Variants in LRRC4C observed in about 807,000 individuals in gnomAD.
LRRC4C encodes leucine rich repeat containing 4C.
LRRC4C carries 5 observed loss-of-function variants against 33.6 expected under a neutral mutation model. The ratio of observed to expected loss-of-function variants is 0.15; its 90% CI spans 0.08 to 0.31. The LOEUF (loss-of-function observed/expected upper bound fraction) is 0.31, where lower values mean the gene tolerates loss of function less well. Among genes scored for constraint, LRRC4C ranks in the 10% least tolerant of loss-of-function variants. The pLI is 1.00. For missense variants in LRRC4C, 560 were observed against 796.7 expected (o/e 0.70, Z 3.58); for synonymous variants, 329 against 302.0 (o/e 1.09, Z -0.93).
At chr11:41,183,790 CT>C (rs1264324659) in intron 1 of LRRC4C, among the ~76,000 whole-genome samples, 10 of 152,208 alleles carry the variant, frequency 6.6e-5, no homozygotes, top group Admixed American at 6.5e-4. Flanking sequence ...TCCACACTGC[CT>C]TAGCAGAGGT....
At chr11:41,217,920 T>A (rs1269528060) in intron 1 of LRRC4C, among the ~76,000 whole-genome samples, 2 of 152,192 alleles carry the variant, frequency 1.3e-5, no homozygotes, top group East Asian at 3.9e-4. Context: ...AAAATATCTA[T>A]AGGAAAAATA....
intron 3 of LRRC4C, among the ~76,000 whole-genome samples, chr11:40,350,778 G>A (rs772307794): frequency 6.6e-6 from 1 of 151,884 alleles, no homozygotes; most frequent in Admixed American, 6.6e-5. Context: ...GTGCATTAAT[G>A]TTTTACAGTT....
intron 3 of LRRC4C, among the ~76,000 whole-genome samples, chr11:40,501,747 G>A (rs1416679806): frequency 6.6e-6 from 1 of 152,132 alleles, no homozygotes; most frequent in African/African-American, 2.4e-5. Context: ...GGGCTGCCAC[G>A]AAGGTCTCTG....
Position 41,223,240 on chromosome 11 carries a change from T to C in LRRC4C, c.-496+236191A>G, listed in dbSNP as rs867274222. 6.3e-4 allele frequency among the ~76,000 whole-genome samples: 96 copies of C among 152,278 alleles called. 1 individual carries two copies. The highest frequency in any genetic ancestry group is 2.3e-3 in the African/African-American group (95 of 41,544). ...CTATAGGCTATGACTCCATCGTTGA[T>C]GTGAGGTTTATTTGATGGCTGAAAG... is the stretch of plus-strand genomic sequence containing the variant. On this transcript the variant is annotated intron_variant, in intron 1 of 6. Transcript: ENST00000528697.
intron 3 of LRRC4C, among the ~76,000 whole-genome samples, chr11:40,510,906 G>T (rs1250362768): frequency 6.6e-6 from 1 of 151,948 alleles, no homozygotes; most frequent in African/African-American, 2.4e-5. Flanking sequence ...AAAAATTTTT[G>T]AAAAAAACTG....
chr11:40,336,594 AT>A (rs1946614439), intron 3 of LRRC4C, among the ~76,000 whole-genome samples: 1 of 152,196 alleles, frequency 6.6e-6, no homozygotes, highest in Non-Finnish European at 1.5e-5. Flanking sequence ...CTCTCACAGC[AT>A]TTAGCATCAC....
rs1294287627 is a variant in LRRC4C, at chr11:41,372,920, A to G, written c.-496+86511T>C. 3.9e-5 allele frequency among the ~76,000 whole-genome samples: 6 copies of G among 152,286 alleles called. No homozygotes were observed. The East Asian group carries it at 1.2e-3, about 29-fold the overall frequency. On this transcript the variant is annotated intron_variant, in intron 1 of 6. Coordinates refer to ENST00000528697, the MANE Select transcript of LRRC4C (RefSeq NM_001258419.2). ...AATTTAAGGACCTAGTTCTCAAATT[A>G]GTTTAATCACTAAACAGATTTAGCT...
chr11:41,380,688 A>C (rs947597539), intron 1 of LRRC4C, among the ~76,000 whole-genome samples: 1 of 152,172 alleles, frequency 6.6e-6, no homozygotes, highest in African/African-American at 2.4e-5. Context: ...GAAACACTGA[A>C]GTCGGATTTT....
At chr11:41,399,829 T>C (rs569109904) in intron 1 of LRRC4C, among the ~76,000 whole-genome samples, 1 of 152,134 alleles carries the variant, frequency 6.6e-6, no homozygotes, top group African/African-American at 2.4e-5. Flanking sequence ...TGATGCAAAC[T>C]GCTCAGAATA....
chr11:40,217,075 A>G lies in LRRC4C; in HGVS notation c.-96+24444T>C, dbSNP rs529124392. On this transcript the variant is annotated intron_variant, in intron 5 of 6. Transcript: ENST00000528697. ...GAGTGATGTGGTTGGAAAGGGTGAA[A>G]GAACACGAAGCTTAGAAAATCTATT... 2.6e-5 allele frequency among the ~76,000 whole-genome samples: 4 copies of G among 152,320 alleles called. 1 individual carries two copies. The highest frequency in any genetic ancestry group is 9.6e-5 in the African/African-American group (4 of 41,588).
chr11:40,566,367 A>G (rs182003012), intron 3 of LRRC4C, among the ~76,000 whole-genome samples: 347 of 152,112 alleles, frequency 2.3e-3, no homozygotes, highest in African/African-American at 8.0e-3. Flanking sequence ...AACGTTGAGT[A>G]CCATATTTCT....
At chr11:40,491,161 T>G (rs1379830407) in intron 3 of LRRC4C, among the ~76,000 whole-genome samples, 2 of 152,080 alleles carry the variant, frequency 1.3e-5, no homozygotes, top group Non-Finnish European at 1.5e-5. Context: ...GGCAGACACC[T>G]GTAACCCCAG....
At chr11:40,683,816 G>T (rs549744683) in intron 2 of LRRC4C, among the ~76,000 whole-genome samples, 124 of 152,280 alleles carry the variant, frequency 8.1e-4, no homozygotes, top group African/African-American at 2.9e-3. Flanking sequence ...AGTACAGAGG[G>T]CCAATGAGGA....
At chr11:40,964,039 C>G (rs1327898641) in intron 1 of LRRC4C, among the ~76,000 whole-genome samples, 1 of 151,242 alleles carries the variant, frequency 6.6e-6, no homozygotes, top group Non-Finnish European at 1.5e-5. Context: ...TTTTTTCCCA[C>G]CTGCCAATAA....
chr11:40,282,100 G>C (rs540087044), intron 4 of LRRC4C, among the ~76,000 whole-genome samples: 6 of 152,054 alleles, frequency 3.9e-5, no homozygotes, highest in Non-Finnish European at 1.5e-5. Flanking sequence ...TAAATCTTTC[G>C]CACTTTTGGA....
intron 2 of LRRC4C, among the ~76,000 whole-genome samples, chr11:40,898,353 CAAAAA>C (rs765252333): frequency 2.0e-3 from 75 of 38,376 alleles, no homozygotes; most frequent in African/African-American, 7.5e-3. Context: ...AACTCCATCT[CAAAAA>C]AAAAAAAAAA....
chr11:41,092,656 G>A (rs977694675), intron 1 of LRRC4C, among the ~76,000 whole-genome samples: 1 of 152,122 alleles, frequency 6.6e-6, no homozygotes, highest in African/African-American at 2.4e-5. Flanking sequence ...TGCCAATGTT[G>A]AATTACTCCC....
chr11:41,298,779 T>A (rs944077525), intron 1 of LRRC4C, among the ~76,000 whole-genome samples: 35 of 152,262 alleles, frequency 2.3e-4, no homozygotes, highest in Admixed American at 9.8e-4. Context: ...TAATTTCTCA[T>A]CTCCCACCCA....
intron 1 of LRRC4C, among the ~76,000 whole-genome samples, chr11:41,056,275 C>A (rs891228680): frequency 6.6e-6 from 1 of 152,078 alleles, no homozygotes; most frequent in Admixed American, 6.6e-5. Context: ...GTCTAAAGAA[C>A]TTAAAAGTAA....
Sources: gnomAD v4.1 joint callset for allele counts (sites outside exome capture counted in the v4.1 genomes callset) on GRCh38, gnomAD v4.1.1 for gene constraint, MANE v1.5 for transcripts, NCBI Gene and HGNC (gene_info 2026-07-23, HGNC 2026-07-21) for gene names.